MYO16: variants seen among roughly 807,000 people sequenced by gnomAD.
MYO16 encodes the protein unconventional myosin-XVI.
A neutral mutation model predicts 205.3 loss-of-function variants in MYO16; 94 were observed. The ratio of observed to expected loss-of-function variants is 0.46; its 90% CI spans 0.39 to 0.54. MYO16 has a LOEUF of 0.54. MYO16 is among the 20% of genes least tolerant of loss of function. MYO16 has a pLI of 0.00. For synonymous variants in MYO16, 988 were observed against 954.0 expected (o/e 1.04, Z -0.66); for missense variants, 2,315 against 2,387.5 (o/e 0.97, Z 0.63).
chr13:108,871,356 G>GTGTGTC (rs1555307587), intron 12 of MYO16, among the ~76,000 whole-genome samples: 24 of 127,660 alleles, frequency 1.9e-4, no homozygotes, highest in African/African-American at 6.7e-4. Flanking sequence ...GTGTGTGTGT[G>GTGTGTC]TGTGTGTCTG....
chr13:108,602,429 G>A (rs2139301818), intron 1 of MYO16, among the ~76,000 whole-genome samples: 1 of 152,278 alleles, frequency 6.6e-6, no homozygotes, highest in East Asian at 1.9e-4. Flanking sequence ...TCTTGAACAT[G>A]TGTAGATTTT....
rs774144103 is a variant in MYO16 at position 108,962,388 on chromosome 13, AC to A, written c.2156-35del. Reference sequence around the variant, plus strand: ...CAATGTTCTTGGTATCAAAAAATATACTAACTTTATGTTTATAATGCTGATT... The same window carrying A: ...CAATGTTCTTGGTATCAAAAAATATATAACTTTATGTTTATAATGCTGATT... On this transcript the variant is annotated intron_variant, in intron 18 of 34. Transcript: ENST00000457511. 33 of 1,543,908 alleles carry A rather than the reference AC, an allele frequency of 2.1e-5. No individual in the cohort carries two copies. The Middle Eastern group carries it at 1.0e-3, about 47-fold the overall frequency.
At chr13:108,703,140 T>TC (rs398099170) in intron 2 of MYO16, among the ~76,000 whole-genome samples, 1 of 8,478 alleles carries the variant, frequency 1.2e-4, no homozygotes, top group East Asian at 0.062. Context: ...ATTAGCAGAA[T>TC]GATTAAAAAG....
chr13:108,784,730 G>A (rs1254119004), intron 4 of MYO16, among the ~76,000 whole-genome samples: 1 of 152,198 alleles, frequency 6.6e-6, no homozygotes, highest in Non-Finnish European at 1.5e-5. Flanking sequence ...AAGGAACGGG[G>A]AAAACTTTCC....
chr13:109,136,466 C>T (rs970350606), intron 31 of MYO16, among the ~76,000 whole-genome samples: 3 of 152,268 alleles, frequency 2.0e-5, no homozygotes, highest in East Asian at 1.9e-4. Context: ...TATTTTTAAA[C>T]TCAGAAGGTT....
At chr13:109,066,904 C>T (rs909120481) in intron 27 of MYO16, among the ~76,000 whole-genome samples, 4 of 152,126 alleles carry the variant, frequency 2.6e-5, no homozygotes, top group Admixed American at 2.6e-4. Flanking sequence ...TGAAAGGCAA[C>T]TTGGCTGTTT....
chr13:108,641,856 A>G (rs543438675), intron 1 of MYO16, among the ~76,000 whole-genome samples: 196 of 152,320 alleles, frequency 1.3e-3, no homozygotes, highest in Non-Finnish European at 2.4e-3. Context: ...GTTCAAGTGA[A>G]ATTCAGTAAA....
intron 23 of MYO16, among the ~76,000 whole-genome samples, chr13:109,022,836 A>T (rs1282248591): frequency 7.4e-6 from 1 of 134,756 alleles, no homozygotes; most frequent in Non-Finnish European, 1.5e-5. Context: ...ATATAAACAT[A>T]GTATATATTT....
intron 1 of MYO16, among the ~76,000 whole-genome samples, chr13:108,619,049 A>T (rs1270727541): frequency 1.3e-5 from 2 of 152,074 alleles, no homozygotes; most frequent in Admixed American, 6.6e-5. Context: ...TTTGGATTTT[A>T]TGTAAATAAA....
At chr13:108,695,113 A>G (rs1883039959) in intron 2 of MYO16, among the ~76,000 whole-genome samples, 1 of 152,236 alleles carries the variant, frequency 6.6e-6, no homozygotes, top group Admixed American at 6.5e-5. Context: ...ACTCCGTTTC[A>G]AAAAACAAAC....
chr13:108,532,080 C>G, the MYO16 span, among the ~76,000 whole-genome samples: 1 of 152,100 alleles, frequency 6.6e-6, no homozygotes, highest in Non-Finnish European at 1.5e-5. Context: ...GTGGTGCACA[C>G]CTGTAATCCC....
chr13:109,041,215 AAAAG>A (rs553280068), intron 23 of MYO16, among the ~76,000 whole-genome samples: 2 of 152,310 alleles, frequency 1.3e-5, no homozygotes, highest in South Asian at 2.1e-4. Context: ...GATCTAGATA[AAAAG>A]AAAGACATTT....
chr13:108,689,083 A>G (rs1377121494), intron 2 of MYO16, among the ~76,000 whole-genome samples: 1 of 152,220 alleles, frequency 6.6e-6, no homozygotes, highest in East Asian at 1.9e-4. Flanking sequence ...AGAGATGATT[A>G]AACTATTGCT....
chr13:108,900,777 A>G (rs1321319491), intron 15 of MYO16, among the ~76,000 whole-genome samples: 3 of 152,214 alleles, frequency 2.0e-5, no homozygotes. Context: ...TGAAAAAAGA[A>G]CAGGATAACA....
At chr13:109,061,186 G>T (rs551580982) in intron 27 of MYO16, among the ~76,000 whole-genome samples, 1 of 152,240 alleles carries the variant, frequency 6.6e-6, no homozygotes, top group African/African-American at 2.4e-5. Context: ...GAATATTGTG[G>T]CTGATCTTAT....
chr13:108,548,284 G>A, the MYO16 span, among the ~76,000 whole-genome samples: 1 of 151,218 alleles, frequency 6.6e-6, no homozygotes, highest in South Asian at 2.1e-4. Flanking sequence ...TGATGATGCT[G>A]GTGGTGGTTA....
intron 7 of MYO16, among the ~76,000 whole-genome samples, chr13:108,811,052 T>G (rs559454669): frequency 6.6e-5 from 10 of 152,302 alleles, no homozygotes; most frequent in African/African-American, 2.4e-4. Flanking sequence ...CATTCTAGTC[T>G]TGTATGTATT....
intron 1 of MYO16, among the ~76,000 whole-genome samples, chr13:108,662,689 G>C (rs954811442): frequency 6.6e-6 from 1 of 152,142 alleles, no homozygotes; most frequent in African/African-American, 2.4e-5. Context: ...ACTTGCCCGA[G>C]GCTATCCAAC....
the MYO16 span, among the ~76,000 whole-genome samples, chr13:108,558,182 C>A: frequency 6.6e-6 from 1 of 152,192 alleles, no homozygotes; most frequent in African/African-American, 2.4e-5. Context: ...GAGCTTCAGA[C>A]ACATGCAGAT....
Sources: gnomAD v4.1 joint callset for allele counts (sites outside exome capture counted in the v4.1 genomes callset) on GRCh38, gnomAD v4.1.1 for gene constraint, MANE v1.5 for transcripts, NCBI Gene and HGNC (gene_info 2026-07-23, HGNC 2026-07-21) for gene names.